GPC6: variants seen among roughly 807,000 people sequenced by gnomAD.
The protein encoded by GPC6 is glypican 6, also known as glypican-6.
In GPC6, 14 loss-of-function variants were observed where a neutral mutation model predicts 55.2. That is an observed-to-expected ratio of 0.25 (90% confidence interval 0.17 to 0.40). The LOEUF is 0.40. GPC6 is among the 10% of genes least tolerant of loss of function. The pLI is 1.00. For synonymous variants in GPC6, 278 were observed against 259.6 expected, an observed-to-expected ratio of 1.07 and a Z score of -0.68; for missense variants, 641 against 708.5, an observed-to-expected ratio of 0.90 and a Z score of 1.08.
intron 4 of GPC6, among the ~76,000 whole-genome samples, chr13:94,210,216 G>T (rs1271215223): frequency 6.7e-6 from 1 of 149,868 alleles, no homozygotes; most frequent in Non-Finnish European, 1.5e-5. Context: ...GAGTATAGTG[G>T]CACAATCTCA....
At chr13:94,276,410 G>A (rs1467488590) in intron 4 of GPC6, among the ~76,000 whole-genome samples, 2 of 152,116 alleles carry the variant, frequency 1.3e-5, no homozygotes, top group African/African-American at 4.8e-5. Context: ...GGGGGCAGAG[G>A]TGGCATTAGG....
chr13:93,246,808 A>C (rs1473573608), intron 1 of GPC6, among the ~76,000 whole-genome samples: 7 of 146,398 alleles, frequency 4.8e-5, no homozygotes, highest in African/African-American at 1.0e-4. Context: ...AAAAAAAAAA[A>C]AAAAAAAAAG....
At chr13:93,372,189 A>T (rs886890286) in intron 1 of GPC6, among the ~76,000 whole-genome samples, 21 of 150,766 alleles carry the variant, frequency 1.4e-4, no homozygotes, top group African/African-American at 4.8e-4. Context: ...TGACTTAGAC[A>T]TTGCTTGCAA....
intron 4 of GPC6, among the ~76,000 whole-genome samples, chr13:94,167,026 A>G (rs1888391540): frequency 6.6e-6 from 1 of 152,230 alleles, no homozygotes; most frequent in African/African-American, 2.4e-5. Flanking sequence ...CTACTTCTTC[A>G]TAAAATCTAG....
rs118083055 is a variant in GPC6 at position 93,382,548 on chromosome 13, T to C, written c.160+154932T>C. Among the ~76,000 whole-genome samples, 22 of 152,294 alleles carry C rather than the reference T, an allele frequency of 1.4e-4. No individual in the cohort carries two copies. In the East Asian group the frequency reaches 4.2e-3, roughly 29 times the overall value. ...TCTATGAGAATATCATTGGCAATTA[T>C]GTTGTTATAATTTCTGCAATAGTGC... On this transcript the variant is annotated intron_variant, in intron 1 of 8. Transcript: ENST00000377047.
At chr13:94,078,952 AT>A (rs1382687460) in intron 4 of GPC6, among the ~76,000 whole-genome samples, 7 of 152,020 alleles carry the variant, frequency 4.6e-5, no homozygotes, top group Non-Finnish European at 8.8e-5. Flanking sequence ...AGAAAAAAAA[AT>A]TTTAGGTAAG....
At chr13:94,107,331 A>G (rs1886091782) in intron 4 of GPC6, among the ~76,000 whole-genome samples, 1 of 152,210 alleles carries the variant, frequency 6.6e-6, no homozygotes, top group Non-Finnish European at 1.5e-5. Context: ...CTGTTTTTAA[A>G]GTTAGGAACT....
At chr13:94,335,022 G>A (rs72632656) in intron 6 of GPC6, among the ~76,000 whole-genome samples, 7,641 of 152,304 alleles carry the variant, frequency 0.05, 318 homozygotes, top group South Asian at 0.19. Flanking sequence ...AGAAGTACAT[G>A]CAGTTATTAC....
At chr13:93,301,420 A>G (rs1399041939) in intron 1 of GPC6, among the ~76,000 whole-genome samples, 1 of 152,242 alleles carries the variant, frequency 6.6e-6, no homozygotes, top group Admixed American at 6.5e-5. Flanking sequence ...AGACTATTTC[A>G]GAGAATGGGA....
At chr13:93,938,979 G>C (rs1878585269) in intron 3 of GPC6, among the ~76,000 whole-genome samples, 1 of 152,228 alleles carries the variant, frequency 6.6e-6, no homozygotes, top group East Asian at 1.9e-4. Context: ...ACACGTGCCT[G>C]TAGTCCCACC....
At chr13:94,369,845 C>G (rs764438884) in intron 6 of GPC6, among the ~76,000 whole-genome samples, 1 of 152,030 alleles carries the variant, frequency 6.6e-6, no homozygotes, top group Non-Finnish European at 1.5e-5. Context: ...ATGAATTTGT[C>G]CATGCCTCCT....
intron 2 of GPC6, among the ~76,000 whole-genome samples, chr13:93,688,708 C>T (rs1391869000): frequency 6.6e-6 from 1 of 151,856 alleles, no homozygotes; most frequent in Non-Finnish European, 1.5e-5. Flanking sequence ...ACATGAAGTA[C>T]CTAGAGTGGG....
intron 4 of GPC6, among the ~76,000 whole-genome samples, chr13:94,119,628 T>C (rs530738483): frequency 1.3e-5 from 2 of 152,068 alleles, no homozygotes; most frequent in Non-Finnish European, 2.9e-5. Flanking sequence ...CAGAAAACAC[T>C]GTGACCAGTG....
At chr13:93,342,101 C>T (rs988964117) in intron 1 of GPC6, among the ~76,000 whole-genome samples, 4 of 151,834 alleles carry the variant, frequency 2.6e-5, no homozygotes, top group Non-Finnish European at 5.9e-5. Flanking sequence ...AATCTCCTGA[C>T]CTCGTGAATC....
intron 3 of GPC6, among the ~76,000 whole-genome samples, chr13:94,026,054 G>A (rs1333834902): frequency 6.6e-6 from 1 of 152,130 alleles, no homozygotes; most frequent in African/African-American, 2.4e-5. Flanking sequence ...TAGGAAATGT[G>A]GCTGTGAACT....
chr13:94,008,302 T>C (rs1882100886), intron 3 of GPC6, among the ~76,000 whole-genome samples: 1 of 152,208 alleles, frequency 6.6e-6, no homozygotes, highest in Non-Finnish European at 1.5e-5. Flanking sequence ...TTTTTTGTTA[T>C]GTCCTCCCTA....
chr13:93,817,097 G>T (rs1886880789), intron 2 of GPC6, among the ~76,000 whole-genome samples: 1 of 152,140 alleles, frequency 6.6e-6, no homozygotes, highest in Non-Finnish European at 1.5e-5. Flanking sequence ...TAAACCTGGA[G>T]GAAGGCTGCC....
rs920910536 is a variant in GPC6, at chr13:93,608,218, T to C, written c.319+62797T>C. On this transcript the variant is annotated intron_variant, in intron 2 of 8. Transcript: ENST00000377047. The stretch of plus-strand genomic sequence containing the variant: ...AGTACTAGGTCTTCCAGAACTTTTT[T>C]TTTTTTACAGAACAAATGCATCTTC... Among the ~76,000 whole-genome samples, 8 of 152,282 alleles carry C rather than the reference T, an allele frequency of 5.3e-5. No homozygotes were observed. The South Asian group carries it at 1.7e-3, about 32-fold the overall frequency.
intron 1 of GPC6, among the ~76,000 whole-genome samples, chr13:93,433,427 A>C (rs1422881605): frequency 6.6e-6 from 1 of 152,180 alleles, no homozygotes; most frequent in African/African-American, 2.4e-5. Context: ...CATGTAAATA[A>C]ATGTGGAAGG....
Sources: gnomAD v4.1 joint callset for allele counts (sites outside exome capture counted in the v4.1 genomes callset) on GRCh38, gnomAD v4.1.1 for gene constraint, MANE v1.5 for transcripts, NCBI Gene and HGNC (gene_info 2026-07-23, HGNC 2026-07-21) for gene names.